The following GULP1 variants were observed in gnomAD, a reference collection of about 807,000 sequenced individuals.
GULP1 encodes GULP PTB domain containing engulfment adaptor 1, also known as PTB domain-containing engulfment adapter protein 1.
A neutral mutation model predicts 40.9 loss-of-function variants in GULP1; 19 were observed. The observed-to-expected ratio is 0.46, with a 90% confidence interval of 0.32 to 0.68. The LOEUF is 0.68. Among genes scored for constraint, GULP1 ranks in the 30% least tolerant of loss-of-function variants. The pLI, the probability that GULP1 is intolerant of heterozygous loss-of-function variation, is 0.03. For synonymous variants in GULP1, 119 were observed against 117.6 expected (o/e 1.01, Z -0.08); for missense variants, 312 against 362.2 (o/e 0.86, Z 1.12).
chr2:188,296,424 C>G (rs376414039), intron 1 of GULP1, among the ~76,000 whole-genome samples: 2 of 152,044 alleles, frequency 1.3e-5, no homozygotes, highest in Non-Finnish European at 2.9e-5. Context: ...TTCAGCCACT[C>G]TAATGATGCT....
intron 11 of GULP1, 58 bp downstream of exon 11, chr2:188,588,007 A>G (rs1702757746): frequency 2.2e-6 from 2 of 893,020 alleles, no homozygotes; most frequent in Non-Finnish European, 3.8e-6. Context: ...TATGGGACAA[A>G]GAGAATGTTA....
Position 188,593,996 on chromosome 2 carries a change from A to C in GULP1, c.900A>C (p.Leu300Phe). The change falls in exon 12 of 12, where the codon TTA becomes TTC. Residue 300 changes from leucine (L) to phenylalanine (F), a missense_variant. Transcript: ENST00000409830. ...LEGTVFCLDPLDSRC is the reference protein window; with the variant it reads ...LEGTVFCLDPFDSRC ...GCACAGTATTTTGTCTCGACCCGTT[A>C]GACAGTAGGTGCTGACATCAAGAAC... 1 of 1,590,406 alleles carries C rather than the reference A, an allele frequency of 6.3e-7. No homozygotes were observed. The highest frequency in any genetic ancestry group is 8.6e-7 in the Non-Finnish European group (1 of 1,159,250).
At chr2:188,593,849 T>A in intron 11 of GULP1, 91 bp from the exon 12 acceptor site, 1 of 738,476 alleles carries the variant, frequency 1.4e-6, no homozygotes, top group Non-Finnish European at 2.4e-6. Context: ...AAAGCATGAA[T>A]ATTTCAACTT....
At chr2:188,534,803 C>A (rs1191404067) in intron 6 of GULP1, among the ~76,000 whole-genome samples, 1 of 151,918 alleles carries the variant, frequency 6.6e-6, no homozygotes, top group Non-Finnish European at 1.5e-5. Flanking sequence ...TTATATAATT[C>A]TGTTTCTTAA....
At chr2:188,435,883 A>G (rs1388459142) in intron 2 of GULP1, among the ~76,000 whole-genome samples, 1 of 152,050 alleles carries the variant, frequency 6.6e-6, no homozygotes, top group Non-Finnish European at 1.5e-5. Flanking sequence ...CTTTCCTTCT[A>G]CAAGGCCAGA....
chr2:188,475,078 G>A (rs1445955871), intron 2 of GULP1, among the ~76,000 whole-genome samples: 8 of 152,158 alleles, frequency 5.3e-5, no homozygotes, highest in South Asian at 2.1e-4. Context: ...CTAGTGTCAC[G>A]TATTGTATTA....
chr2:188,405,491 C>T (rs2052949152), intron 2 of GULP1, among the ~76,000 whole-genome samples: 1 of 152,142 alleles, frequency 6.6e-6, no homozygotes, highest in Admixed American at 6.5e-5. Flanking sequence ...GACTTAGGCT[C>T]CAGGCCTGTC....
At chr2:188,478,131 T>A (rs903283114) in intron 3 of GULP1, among the ~76,000 whole-genome samples, 1 of 152,036 alleles carries the variant, frequency 6.6e-6, no homozygotes, top group African/African-American at 2.4e-5. Flanking sequence ...GTGCACAGGC[T>A]TCATGTATCA....
intron 4 of GULP1, among the ~76,000 whole-genome samples, chr2:188,499,784 A>G (rs996461396): frequency 4.6e-5 from 7 of 151,842 alleles, no homozygotes; most frequent in African/African-American, 4.8e-5. Flanking sequence ...ACCTATTTAC[A>G]TATGTTAAAA....
chr2:188,350,101 A>G (rs2044240686), intron 1 of GULP1, among the ~76,000 whole-genome samples: 1 of 152,128 alleles, frequency 6.6e-6, no homozygotes. Context: ...ACACTGTCTT[A>G]ATTACTTTAG....
At chr2:188,543,886 A>T (rs1052163697) in intron 7 of GULP1, among the ~76,000 whole-genome samples, 1 of 151,984 alleles carries the variant, frequency 6.6e-6, no homozygotes, top group African/African-American at 2.4e-5. Flanking sequence ...TGAAATTGAG[A>T]TTTTGAAAGA....
chr2:188,343,693 G>A (rs2043256110), intron 1 of GULP1, among the ~76,000 whole-genome samples: 1 of 152,200 alleles, frequency 6.6e-6, no homozygotes, highest in Non-Finnish European at 1.5e-5. Context: ...ACCCATTACA[G>A]ATAATCTCAT....
At chr2:188,387,543 C>G (rs2049944758) in intron 2 of GULP1, among the ~76,000 whole-genome samples, 1 of 152,100 alleles carries the variant, frequency 6.6e-6, no homozygotes, top group Admixed American at 6.5e-5. Context: ...AATAATAGGG[C>G]AGTTTGTAAT....
intron 4 of GULP1, among the ~76,000 whole-genome samples, chr2:188,499,465 T>A (rs1246168785): frequency 6.6e-6 from 1 of 151,570 alleles, no homozygotes; most frequent in East Asian, 1.9e-4. Context: ...AAATTACATA[T>A]GTCATTTAGA....
chr2:188,435,403 C>T lies in GULP1; in HGVS notation c.-44-42256C>T, dbSNP rs181764157. Among the ~76,000 whole-genome samples the T allele has an allele frequency of 3.9e-5, 6 of 152,180 alleles. No individual in the cohort carries two copies. The East Asian group carries it at 1.2e-3, about 29-fold the overall frequency. On this transcript the variant is annotated intron_variant, in intron 2 of 11. Coordinates refer to ENST00000409830, the MANE Select transcript of GULP1 (RefSeq NM_016315.4). ...TTTTGGTATCCTTTATTTTCTCCAA[C>T]ACTGATGCCGCTACCATGAGTGTCT...
At chr2:188,585,314 G>A (rs572260224) in intron 10 of GULP1, among the ~76,000 whole-genome samples, 1 of 152,284 alleles carries the variant, frequency 6.6e-6, no homozygotes, top group South Asian at 2.1e-4. Context: ...CCATTCGGGG[G>A]TCTGAAAGAC....
chr2:188,416,275 G>A (rs1302591928), intron 2 of GULP1, among the ~76,000 whole-genome samples: 2 of 151,750 alleles, frequency 1.3e-5, no homozygotes, highest in South Asian at 2.1e-4. Context: ...TTGGGGTGGG[G>A]TATTGTAGCC....
At chr2:188,409,080 G>T (rs942524311) in intron 2 of GULP1, among the ~76,000 whole-genome samples, 1 of 151,718 alleles carries the variant, frequency 6.6e-6, no homozygotes, top group African/African-American at 2.4e-5. Context: ...TGATGACTTA[G>T]TAAAAGAAGA....
chr2:188,359,684 T>G (rs978041681), intron 1 of GULP1, among the ~76,000 whole-genome samples: 2 of 152,118 alleles, frequency 1.3e-5, no homozygotes, highest in African/African-American at 2.4e-5. Flanking sequence ...ATTATATTGA[T>G]GTACTATTAG....
Sources: allele counts gnomAD v4.1 joint callset (sites outside exome capture counted in the v4.1 genomes callset), GRCh38; gene constraint gnomAD v4.1.1; transcripts MANE v1.5; gene names NCBI Gene and HGNC (gene_info 2026-07-23, HGNC 2026-07-21).